Variants in NEGR1 observed in about 807,000 individuals in gnomAD.
The protein encoded by NEGR1 is neuronal growth regulator 1.
NEGR1 carries 10 observed loss-of-function variants against 40.9 expected under a neutral mutation model. That is an observed-to-expected ratio of 0.24 (90% CI 0.15 to 0.42). NEGR1 has a LOEUF of 0.42. Among genes scored for constraint, NEGR1 ranks in the 10% least tolerant of loss-of-function variants. NEGR1 has a pLI of 1.00. For missense variants in NEGR1, 352 were observed against 438.9 expected, an observed-to-expected ratio of 0.80 and a Z score of 1.77; for synonymous variants, 185 against 166.8, an observed-to-expected ratio of 1.11 and a Z score of -0.84.
At chr1:72,048,050 C>T (rs886451248) in intron 1 of NEGR1, among the ~76,000 whole-genome samples, 1 of 151,534 alleles carries the variant, frequency 6.6e-6, no homozygotes, top group Non-Finnish European at 1.5e-5. Flanking sequence ...TCTGCTTTTC[C>T]TCTCTGGGCA....
chr1:71,601,476 C>CAAATAATTATATT (rs1237827695), intron 5 of NEGR1, among the ~76,000 whole-genome samples: 1 of 152,038 alleles, frequency 6.6e-6, no homozygotes, highest in Non-Finnish European at 1.5e-5. Flanking sequence ...CAAAGGAAAA[C>CAAATAATTATATT]AAATAATTAT....
At chr1:72,187,977 G>A (rs528171301) in intron 1 of NEGR1, among the ~76,000 whole-genome samples, 9 of 151,276 alleles carry the variant, frequency 5.9e-5, no homozygotes, top group Non-Finnish European at 1.2e-4. Context: ...ACTCTACTCC[G>A]GAGAATTTAA....
intron 3 of NEGR1, among the ~76,000 whole-genome samples, chr1:71,742,772 G>A (rs747124143): frequency 2.8e-4 from 42 of 152,130 alleles, no homozygotes; most frequent in Non-Finnish European, 5.1e-4. Context: ...TAGTGTTGAT[G>A]TTGGAACACA....
chr1:71,584,238 C>G (rs1323457216), intron 6 of NEGR1, among the ~76,000 whole-genome samples: 1 of 152,130 alleles, frequency 6.6e-6, no homozygotes, highest in Non-Finnish European at 1.5e-5. Flanking sequence ...CATTTTCAGT[C>G]TTTTCCCTAG....
chr1:71,585,688 CTT>C (rs563536438), intron 6 of NEGR1, among the ~76,000 whole-genome samples: 62 of 112,586 alleles, frequency 5.5e-4, no homozygotes, highest in African/African-American at 9.0e-4. Context: ...ACCTCTCCAT[CTT>C]TTTTTTTTTT....
intron 1 of NEGR1, among the ~76,000 whole-genome samples, chr1:72,189,500 G>T (rs1652737738): frequency 6.6e-6 from 1 of 151,466 alleles, no homozygotes; most frequent in African/African-American, 2.4e-5. Context: ...CCAAAATTGT[G>T]TTGTCTCTCC....
chr1:72,187,703 A>C (rs1440762419), intron 1 of NEGR1, among the ~76,000 whole-genome samples: 4 of 151,478 alleles, frequency 2.6e-5, no homozygotes, highest in Non-Finnish European at 5.9e-5. Context: ...TAATAATAAT[A>C]ATAGCAGCTA....
intron 6 of NEGR1, among the ~76,000 whole-genome samples, chr1:71,430,605 T>C (rs116634066): frequency 6.6e-6 from 1 of 151,554 alleles, no homozygotes; most frequent in African/African-American, 2.4e-5. Context: ...AGAAAGTGTA[T>C]AATTCACATT....
intron 3 of NEGR1, among the ~76,000 whole-genome samples, chr1:71,700,982 A>G (rs2101631805): frequency 6.6e-6 from 1 of 152,096 alleles, no homozygotes; most frequent in Non-Finnish European, 1.5e-5. Flanking sequence ...AGCCAAGAAA[A>G]GCTGTGGCCT....
At chr1:71,662,260 A>C (rs1163745782) in intron 4 of NEGR1, among the ~76,000 whole-genome samples, 10 of 152,214 alleles carry the variant, frequency 6.6e-5, no homozygotes, top group Non-Finnish European at 1.5e-5. Context: ...GGAAAGAATT[A>C]AATAAGCAAA....
At chr1:71,979,096 C>A (rs1223088544) in intron 1 of NEGR1, among the ~76,000 whole-genome samples, 1 of 152,096 alleles carries the variant, frequency 6.6e-6, no homozygotes, top group African/African-American at 2.4e-5. Flanking sequence ...CCTTAGCAAA[C>A]TAACACAGAA....
chr1:71,458,687 T>C lies in NEGR1; in HGVS notation c.941-51117A>G, dbSNP rs116271341. Among the ~76,000 whole-genome samples the C allele has an allele frequency of 5.3e-3, 806 of 152,310 alleles. 4 individuals carry two copies. The highest frequency in any genetic ancestry group is 0.019 in the African/African-American group (771 of 41,558). ...ATATATGGCACATAATACATATCCA[T>C]TAAGTGGATGAATGACTGAATTAAG... On this transcript the variant is annotated intron_variant, in intron 6 of 6. Transcript: ENST00000357731.
intron 3 of NEGR1, among the ~76,000 whole-genome samples, chr1:71,741,516 G>T (rs1397707199): frequency 6.6e-6 from 1 of 151,996 alleles, no homozygotes; most frequent in Non-Finnish European, 1.5e-5. Flanking sequence ...CACCCTTCCT[G>T]CCAGTATTTG....
intron 1 of NEGR1, among the ~76,000 whole-genome samples, chr1:72,112,306 T>A (rs1649405774): frequency 6.6e-6 from 1 of 151,594 alleles, no homozygotes; most frequent in Admixed American, 6.6e-5. Context: ...TTTCTCTACA[T>A]AATTATCTGA....
intron 1 of NEGR1, among the ~76,000 whole-genome samples, chr1:72,262,533 G>GT (rs2100546984): frequency 6.6e-6 from 1 of 151,920 alleles, no homozygotes; most frequent in Non-Finnish European, 1.5e-5. Context: ...TTTCGTTTTT[G>GT]TTTTTTCTAG....
At chr1:72,225,141 C>T (rs904372071) in intron 1 of NEGR1, among the ~76,000 whole-genome samples, 1 of 151,858 alleles carries the variant, frequency 6.6e-6, no homozygotes, top group Non-Finnish European at 1.5e-5. Flanking sequence ...TTTTTTCCAA[C>T]ACATGTAGCT....
chr1:71,718,677 G>A (rs1654354820), intron 3 of NEGR1, among the ~76,000 whole-genome samples: 1 of 151,800 alleles, frequency 6.6e-6, no homozygotes, highest in African/African-American at 2.4e-5. Flanking sequence ...TCCTCAAATA[G>A]CACTGAAAGT....
At chr1:71,588,646 C>T (rs629263) in intron 6 of NEGR1, among the ~76,000 whole-genome samples, 136,142 of 152,140 alleles carry the variant, frequency 0.89, 62,270 homozygotes, top group Non-Finnish European at 1. Flanking sequence ...AATTATAGGT[C>T]CTCTTACAAT....
intron 1 of NEGR1, among the ~76,000 whole-genome samples, chr1:72,108,015 G>A (rs1649203945): frequency 6.6e-6 from 1 of 151,380 alleles, no homozygotes; most frequent in African/African-American, 2.4e-5. Context: ...GTGCAGCCAG[G>A]TTTTCTAAAG....
Sources: allele counts gnomAD v4.1 joint callset (sites outside exome capture counted in the v4.1 genomes callset), GRCh38; gene constraint gnomAD v4.1.1; transcripts MANE v1.5; gene names NCBI Gene and HGNC (gene_info 2026-07-23, HGNC 2026-07-21).